The following FHIT variants were observed in gnomAD, a reference collection of about 807,000 sequenced individuals.
FHIT encodes bis(5'-adenosyl)-triphosphatase.
In FHIT, 19 loss-of-function variants were observed where a neutral mutation model predicts 17.9. That is an observed-to-expected ratio of 1.06 (90% CI 0.74 to 1.56). FHIT has a LOEUF of 1.56. FHIT is among the 40% of genes most tolerant of loss of function. The pLI, the probability that FHIT is intolerant of heterozygous loss-of-function variation, is 0.00. For synonymous variants in FHIT, 81 were observed against 69.7 expected (o/e 1.16, Z -0.81); for missense variants, 248 against 189.2 (o/e 1.31, Z -1.82).
chr3:60,787,401 T>C (rs1328172574), intron 4 of FHIT, among the ~76,000 whole-genome samples: 2 of 152,216 alleles, frequency 1.3e-5, no homozygotes, highest in African/African-American at 4.8e-5. Context: ...GGATACTCTG[T>C]CACATGCTCT....
chr3:60,928,909 C>CA (rs1344753587), intron 3 of FHIT, among the ~76,000 whole-genome samples: 3 of 152,058 alleles, frequency 2.0e-5, no homozygotes, highest in Non-Finnish European at 2.9e-5. Flanking sequence ...AGAGACACAA[C>CA]AAAAAAAGAC....
At chr3:60,531,813 T>G (rs2035797767) in intron 5 of FHIT, among the ~76,000 whole-genome samples, 1 of 152,222 alleles carries the variant, frequency 6.6e-6, no homozygotes, top group Non-Finnish European at 1.5e-5. Flanking sequence ...ATGGTAACGG[T>G]CTGAAAACGG....
At chr3:59,808,952 A>T (rs1208681479) in intron 8 of FHIT, among the ~76,000 whole-genome samples, 1 of 152,190 alleles carries the variant, frequency 6.6e-6, no homozygotes, top group African/African-American at 2.4e-5. Context: ...TATTTTAAAA[A>T]GCAGAGAGGA....
At chr3:60,865,852 G>T (rs1209078111) in intron 3 of FHIT, among the ~76,000 whole-genome samples, 1 of 152,184 alleles carries the variant, frequency 6.6e-6, no homozygotes, top group Non-Finnish European at 1.5e-5. Context: ...GCTGCTTAGA[G>T]AAGTAGAGTA....
chr3:60,147,212 C>G (rs536736020), intron 5 of FHIT, among the ~76,000 whole-genome samples: 10 of 152,304 alleles, frequency 6.6e-5, no homozygotes, highest in African/African-American at 2.4e-4. Context: ...ACAAAGCTTT[C>G]CAAAACCTCT....
At chr3:60,686,469 T>C (rs1553698459) in intron 4 of FHIT, among the ~76,000 whole-genome samples, 1 of 152,166 alleles carries the variant, frequency 6.6e-6, no homozygotes, top group African/African-American at 2.4e-5. Context: ...TCACCTTTCC[T>C]TCTGGGGAAC....
chr3:60,531,088 A>G (rs1649628249), intron 5 of FHIT, among the ~76,000 whole-genome samples: 1 of 152,226 alleles, frequency 6.6e-6, no homozygotes, highest in Admixed American at 6.5e-5. Flanking sequence ...ATGGACAGCA[A>G]TATTGTCTTT....
intron 4 of FHIT, among the ~76,000 whole-genome samples, chr3:60,772,350 A>G (rs1553723341): frequency 6.8e-6 from 1 of 147,300 alleles, no homozygotes; most frequent in East Asian, 2.1e-4. Flanking sequence ...ATATATATAT[A>G]TATATTTGAC....
intron 5 of FHIT, among the ~76,000 whole-genome samples, chr3:60,022,480 C>T (rs1294196219): frequency 1.3e-5 from 2 of 152,138 alleles, no homozygotes; most frequent in African/African-American, 2.4e-5. Context: ...AGTATGTGAC[C>T]GACAGCTTTA....
At chr3:60,932,870 C>T (rs969100962) in intron 3 of FHIT, among the ~76,000 whole-genome samples, 2 of 152,272 alleles carry the variant, frequency 1.3e-5, no homozygotes, top group South Asian at 4.1e-4. Context: ...CTACCCACAA[C>T]CAACCACTCA....
chr3:60,615,700 G>C (rs1444189545), intron 4 of FHIT, among the ~76,000 whole-genome samples: 1 of 152,140 alleles, frequency 6.6e-6, no homozygotes, highest in Non-Finnish European at 1.5e-5. Flanking sequence ...AGACATAAAA[G>C]AAACAATCTT....
At chr3:61,016,576 TC>T (rs1172251550) in intron 3 of FHIT, among the ~76,000 whole-genome samples, 3 of 152,226 alleles carry the variant, frequency 2.0e-5, no homozygotes, top group African/African-American at 4.8e-5. Flanking sequence ...CCTGCAGCTA[TC>T]CGGGTACACC....
intron 4 of FHIT, among the ~76,000 whole-genome samples, chr3:60,761,470 C>T (rs782413563): frequency 2.6e-5 from 4 of 152,078 alleles, no homozygotes; most frequent in Non-Finnish European, 5.9e-5. Flanking sequence ...TATTTACATT[C>T]CAAATGAGTT....
intron 3 of FHIT, among the ~76,000 whole-genome samples, chr3:60,944,496 C>T (rs1708559372): frequency 6.6e-6 from 1 of 152,096 alleles, no homozygotes; most frequent in African/African-American, 2.4e-5. Flanking sequence ...CTATTGTGCT[C>T]TTCTTGAAGA....
chr3:60,965,457 T>G (rs1323427015), intron 3 of FHIT, among the ~76,000 whole-genome samples: 1 of 152,172 alleles, frequency 6.6e-6, no homozygotes, highest in Non-Finnish European at 1.5e-5. Flanking sequence ...TCATTCTCCA[T>G]CCAGCTTTGT....
intron 1 of FHIT, among the ~76,000 whole-genome samples, chr3:61,227,016 T>A (rs1362832175): frequency 6.6e-6 from 1 of 152,282 alleles, no homozygotes; most frequent in African/African-American, 2.4e-5. Flanking sequence ...TAAAAGAGCT[T>A]ACAATATAAG....
At chr3:61,064,900 C>G (rs2034549466) in intron 2 of FHIT, among the ~76,000 whole-genome samples, 1 of 152,178 alleles carries the variant, frequency 6.6e-6, no homozygotes, top group Non-Finnish European at 1.5e-5. Flanking sequence ...CACTTCCATC[C>G]AGCAAAGGTC....
At chr3:61,002,111 C>G (rs1175812597) in intron 3 of FHIT, among the ~76,000 whole-genome samples, 3 of 152,126 alleles carry the variant, frequency 2.0e-5, no homozygotes, top group Admixed American at 1.3e-4. Flanking sequence ...ATTAACATAT[C>G]TATCATCTCA....
rs182850326 is a variant in FHIT, at chr3:60,246,495, A to C, written c.104-232343T>G. Among the ~76,000 whole-genome samples the C allele has an allele frequency of 1.7e-3, 265 of 152,182 alleles. 6 individuals carry two copies. The highest frequency in any genetic ancestry group is 0.017 in the Admixed American group (265 of 15,272). On this transcript the variant is annotated intron_variant, in intron 5 of 9. Transcript: ENST00000492590. ...AAATTATGAGGCCAGCAAAGCAGAA[A>C]ATGGGAGTCTTTAATTAGGAAGAAC...
Sources: allele counts gnomAD v4.1 joint callset (sites outside exome capture counted in the v4.1 genomes callset), GRCh38; gene constraint gnomAD v4.1.1; transcripts MANE v1.5; gene names NCBI Gene and HGNC (gene_info 2026-07-23, HGNC 2026-07-21).